Variants in C12orf56 observed in about 807,000 individuals in gnomAD.
C12orf56 encodes chromosome 12 open reading frame 56.
Under a neutral mutation model 69.9 loss-of-function variants are expected in C12orf56, and 71 were observed. The observed-to-expected ratio is 1.02, with a 90% CI of 0.84 to 1.24. The LOEUF (loss-of-function observed/expected upper bound fraction) is 1.24. Ranked by LOEUF, C12orf56 falls within the 50% of genes most tolerant of loss-of-function variation. C12orf56 has a pLI of 0.00. For synonymous variants in C12orf56, 276 were observed against 274.1 expected (o/e 1.01, Z -0.07); for missense variants, 732 against 738.5 (o/e 0.99, Z 0.10).
intron 1 of C12orf56, among the ~76,000 whole-genome samples, chr12:64,376,294 G>C (rs1209076696): frequency 2.0e-5 from 3 of 152,122 alleles, no homozygotes; most frequent in Non-Finnish European, 4.4e-5. Context: ...ACAACCAGCA[G>C]GATGCAGAAA....
Position 64,275,351 on chromosome 12 carries a change from A to G in C12orf56, c.1456T>C (p.Tyr486His). The stretch of plus-strand genomic sequence containing the variant: ...AAAAGTGCTGTAGCAGTATTTGTAT[A>G]CTCCAGAATAAGCTTCTGTAACTAG... Reference protein sequence around the residue: ...DAELQKLILEYTNTATALLYE... With the variant: ...DAELQKLILEHTNTATALLYE... Residue 486 changes from tyrosine (Y) to histidine (H), a missense_variant, in exon 10 of 13, where the codon TAT becomes CAT. Transcript: ENST00000543942. 1 of 1,428,292 alleles carries G rather than the reference A, an allele frequency of 7.0e-7. No homozygotes were observed. Among genetic ancestry groups the G allele is most frequent in the Non-Finnish European group, 9.3e-7 (1 of 1,074,320 alleles). The allele number at this position is 1,428,292 out of a possible 1,614,324, so 88.5% of individuals were successfully genotyped here. A position where few individuals can be genotyped will look rare whatever the true frequency, so the allele number is the denominator to read the frequency against.
At chr12:64,320,597 C>T (rs2038758602) in intron 3 of C12orf56, among the ~76,000 whole-genome samples, 2 of 152,194 alleles carry the variant, frequency 1.3e-5, no homozygotes, top group Admixed American at 1.3e-4. Context: ...CTCACCATGA[C>T]CTTTCTTTAC....
At chr12:64,372,443 A>G (rs2039584416) in intron 1 of C12orf56, among the ~76,000 whole-genome samples, 1 of 152,216 alleles carries the variant, frequency 6.6e-6, no homozygotes, top group African/African-American at 2.4e-5. Context: ...CTATTATTTT[A>G]ACCTAAATCT....
At chr12:64,354,220 G>C (rs1324366952) in intron 1 of C12orf56, among the ~76,000 whole-genome samples, 1 of 152,182 alleles carries the variant, frequency 6.6e-6, no homozygotes, top group Non-Finnish European at 1.5e-5. Flanking sequence ...AGGACATTTA[G>C]ATCTTCTCTG....
At chr12:64,314,433 T>C (rs1170004433) in intron 4 of C12orf56, among the ~76,000 whole-genome samples, 1 of 152,162 alleles carries the variant, frequency 6.6e-6, no homozygotes, top group Non-Finnish European at 1.5e-5. Context: ...TTCCATAGCA[T>C]AGATACACAA....
intron 8 of C12orf56, 139 bp from the exon 9 acceptor site, chr12:64,277,942 C>T (rs1443063781): frequency 3.8e-6 from 2 of 523,552 alleles, no homozygotes; most frequent in Non-Finnish European, 6.0e-6. Flanking sequence ...AGTTTTGGAT[C>T]CTTGGACACG....
intron 8 of C12orf56, among the ~76,000 whole-genome samples, chr12:64,283,586 G>C (rs2038159840): frequency 6.6e-6 from 1 of 152,012 alleles, no homozygotes; most frequent in Non-Finnish European, 1.5e-5. Context: ...AGGAGAATGT[G>C]AGCAGAAGTG....
chr12:64,293,130 A>C (rs2038315941), intron 6 of C12orf56, among the ~76,000 whole-genome samples: 2 of 151,968 alleles, frequency 1.3e-5, no homozygotes, highest in Admixed American at 6.6e-5. Flanking sequence ...TGCGTCCGTC[A>C]CCCCTTTCTT....
intron 1 of C12orf56, among the ~76,000 whole-genome samples, chr12:64,371,739 A>C (rs534915388): frequency 1.3e-5 from 2 of 152,050 alleles, no homozygotes; most frequent in East Asian, 3.9e-4. Context: ...CCGAGGCAGG[A>C]GAATTGCTTG....
intron 5 of C12orf56, among the ~76,000 whole-genome samples, chr12:64,311,480 C>T (rs1192582903): frequency 6.6e-6 from 1 of 151,616 alleles, no homozygotes; most frequent in Non-Finnish European, 1.5e-5. Context: ...GGAGCCCCTC[C>T]TAACTTAGTT....
At chr12:64,337,719 T>C (rs1167909062) in intron 2 of C12orf56, among the ~76,000 whole-genome samples, 4 of 151,820 alleles carry the variant, frequency 2.6e-5, no homozygotes, top group Non-Finnish European at 5.9e-5. Flanking sequence ...TAGTCACGTG[T>C]GGTAGTGCAT....
intron 3 of C12orf56, among the ~76,000 whole-genome samples, chr12:64,321,884 G>A (rs1374385660): frequency 6.6e-6 from 1 of 151,440 alleles, no homozygotes; most frequent in African/African-American, 2.4e-5. Context: ...TATCTTTTTG[G>A]GGGTTCACTG....
intron 3 of C12orf56, among the ~76,000 whole-genome samples, chr12:64,321,337 G>A (rs1014866458): frequency 3.3e-5 from 5 of 152,110 alleles, no homozygotes; most frequent in African/African-American, 1.2e-4. Flanking sequence ...CCACGATAGT[G>A]GAAAACTACT....
chr12:64,324,634 A>C (rs1399225196), intron 3 of C12orf56, among the ~76,000 whole-genome samples: 2 of 152,242 alleles, frequency 1.3e-5, no homozygotes, highest in Non-Finnish European at 2.9e-5. Flanking sequence ...TCTTGCTGGG[A>C]TGTCTAGACG....
intron 2 of C12orf56, among the ~76,000 whole-genome samples, chr12:64,336,314 G>A (rs1565762203): frequency 6.6e-6 from 1 of 152,160 alleles, no homozygotes; most frequent in African/African-American, 2.4e-5. Flanking sequence ...ACAGGTGGGG[G>A]CAAGTGTTAT....
intron 3 of C12orf56, among the ~76,000 whole-genome samples, chr12:64,321,383 C>T (rs1289168379): frequency 2.6e-5 from 4 of 152,088 alleles, no homozygotes; most frequent in Non-Finnish European, 2.9e-5. Context: ...CTACATTGCC[C>T]AGGCTGGTCT....
At chr12:64,277,222 A>T (rs1270032676) in intron 9 of C12orf56, among the ~76,000 whole-genome samples, 2 of 152,074 alleles carry the variant, frequency 1.3e-5, no homozygotes, top group Non-Finnish European at 2.9e-5. Flanking sequence ...TAGAAAAACA[A>T]GTAACTCTTG....
At chr12:64,299,657 T>C (rs182532049) in intron 6 of C12orf56, among the ~76,000 whole-genome samples, 1 of 152,252 alleles carries the variant, frequency 6.6e-6, no homozygotes, top group African/African-American at 2.4e-5. Context: ...AAGAAGCTTT[T>C]AGCATATTAA....
chr12:64,346,663 G>A (rs533525842), intron 2 of C12orf56, among the ~76,000 whole-genome samples: 15 of 152,282 alleles, frequency 9.9e-5, no homozygotes, highest in African/African-American at 3.6e-4. Flanking sequence ...TAGAGGAGGA[G>A]TGAAAGTTCT....
Sources: gnomAD v4.1 joint callset for allele counts (sites outside exome capture counted in the v4.1 genomes callset) on GRCh38, gnomAD v4.1.1 for gene constraint, MANE v1.5 for transcripts, NCBI Gene and HGNC (gene_info 2026-07-23, HGNC 2026-07-21) for gene names.